PPIL3: variants seen among roughly 807,000 people sequenced by gnomAD.
PPIL3 encodes the protein peptidylprolyl isomerase like 3, also known as peptidyl-prolyl cis-trans isomerase-like 3.
In PPIL3, 13 loss-of-function variants were observed where a neutral mutation model predicts 20.9. The ratio of observed to expected loss-of-function variants is 0.62; its 90% CI spans 0.40 to 0.99. PPIL3 has a LOEUF of 0.99. Ranked by LOEUF, PPIL3 falls within the 50% of genes least tolerant of loss-of-function variation. PPIL3 has a pLI of 0.00. For synonymous variants in PPIL3, 71 were observed against 64.4 expected, an observed-to-expected ratio of 1.10 and a Z score of -0.49; for missense variants, 170 against 195.2, an observed-to-expected ratio of 0.87 and a Z score of 0.77.
At position 200,877,035 on chromosome 2, in the gene PPIL3, G is replaced by C; in HGVS notation, c.243C>G (p.His81Gln). The stretch of plus-strand genomic sequence containing the variant: ...CCATAGATACAACACCTCTAACATT[G>C]TGCTGAAAAAGACACATCAAAGTAT... The part of the protein sequence containing the change: ...FEDEYSEYLK[H>Q]NVRGVVSMAN... Residue 81 changes from histidine to glutamine, a missense_variant and splice_region_variant, in exon 6 of 7, where the codon CAC (histidine) becomes CAG (glutamine). By Grantham distance (24) the His-to-Gln change is conservative. Coordinates refer to ENST00000392283, the MANE Select transcript of PPIL3 (RefSeq NM_130906.3). 1.3e-6 allele frequency: 2 copies of C among 1,588,846 alleles called. No homozygotes were observed. Among genetic ancestry groups the C allele is most frequent in the Non-Finnish European group, 1.7e-6 (2 of 1,157,370 alleles).
chr2:200,880,350 C>T (rs1214055074), intron 5 of PPIL3, among the ~76,000 whole-genome samples: 2 of 150,608 alleles, frequency 1.3e-5, no homozygotes, highest in African/African-American at 4.9e-5. Flanking sequence ...TTTGTGGGTA[C>T]ATTTTAATGT....
chr2:200,887,888 C>A (rs1287171046), intron 1 of PPIL3, among the ~76,000 whole-genome samples: 1 of 151,878 alleles, frequency 6.6e-6, no homozygotes, highest in African/African-American at 2.4e-5. Flanking sequence ...GAAACCCCGT[C>A]TCTACTAAAA....
chr2:200,874,062 G>A (rs796795979), intron 6 of PPIL3, among the ~76,000 whole-genome samples: 48 of 151,522 alleles, frequency 3.2e-4, no homozygotes, highest in African/African-American at 8.9e-4. Context: ...AAAATTAGCC[G>A]GGCGCGGTGG....
chr2:200,871,244 G>A lies in PPIL3; in HGVS notation c.*151C>T, dbSNP rs2039293260. 4 of 645,522 alleles carry A rather than the reference G, an allele frequency of 6.2e-6. No homozygotes were observed. The highest frequency in any genetic ancestry group is 5.0e-6 in the Non-Finnish European group (2 of 400,484). The allele number at this position is 645,522 out of a possible 1,614,324, so 40.0% of individuals were successfully genotyped here. ...TGCTCTAAGAATGGGGATAAAAGCT[G>A]TTGGGCGCCCCTTGGTACCACCATT... On this transcript the variant is annotated 3_prime_UTR_variant, in exon 7 of 7. Transcript: ENST00000392283.
chr2:200,876,133 T>C (rs997741656), intron 6 of PPIL3, among the ~76,000 whole-genome samples: 2 of 147,624 alleles, frequency 1.4e-5, no homozygotes, highest in Non-Finnish European at 3.0e-5. Context: ...AAAAAAAAAG[T>C]GTTTTTTTTG....
At position 200,873,980 on chromosome 2, in the gene PPIL3, C is replaced by A. The variant is rs573806837; in HGVS notation, c.360-2459G>T. The stretch of plus-strand genomic sequence containing the variant: ...CAGCACTTTGGGAGGCCAAGGCGGG[C>A]GGATCACGAGGTCGGGAGATTGAGA... On this transcript the variant is annotated intron_variant, in intron 6 of 6. Transcript: ENST00000392283. Among the ~76,000 whole-genome samples, 28 of 151,442 alleles carry A rather than the reference C, an allele frequency of 1.8e-4. 1 individual carries two copies. The East Asian group carries it at 5.0e-3, about 27-fold the overall frequency.
At chr2:200,876,130 A>G (rs1008478816) in intron 6 of PPIL3, among the ~76,000 whole-genome samples, 5 of 151,030 alleles carry the variant, frequency 3.3e-5, no homozygotes, top group Admixed American at 6.6e-5. Flanking sequence ...TCTAAAAAAA[A>G]AGTGTTTTTT....
intron 6 of PPIL3, among the ~76,000 whole-genome samples, chr2:200,876,133 TG>T (rs1161805325): frequency 4.1e-5 from 6 of 147,624 alleles, no homozygotes; most frequent in African/African-American, 1.6e-4. Flanking sequence ...AAAAAAAAAG[TG>T]TTTTTTTTGT....
intron 5 of PPIL3, 126 bp downstream of exon 5, chr2:200,881,295 C>T (rs1297005719): frequency 2.8e-6 from 2 of 715,656 alleles, no homozygotes; most frequent in Non-Finnish European, 4.4e-6. Context: ...GTCAAATGTA[C>T]AAAAACTATA....
chr2:200,877,150 G>A, intron 5 of PPIL3, 113 bp from the exon 6 acceptor site: 1 of 717,546 alleles, frequency 1.4e-6, no homozygotes, highest in Non-Finnish European at 2.4e-6. Context: ...TTTTGAGATT[G>A]GGGTCTCACT....
At chr2:200,886,013 A>G (rs796669793) in intron 2 of PPIL3, among the ~76,000 whole-genome samples, 10 of 152,366 alleles carry the variant, frequency 6.6e-5, no homozygotes, top group Admixed American at 2.0e-4. Flanking sequence ...AGTAGTATCC[A>G]TGACAAAAAT....
chr2:200,879,718 A>G (rs925492101), intron 5 of PPIL3, among the ~76,000 whole-genome samples: 1 of 152,160 alleles, frequency 6.6e-6, no homozygotes, highest in Non-Finnish European at 1.5e-5. Context: ...CCTGTGGTCC[A>G]GCCACTTGAG....
chr2:200,880,666 C>T (rs1214905025), intron 5 of PPIL3, among the ~76,000 whole-genome samples: 2 of 152,054 alleles, frequency 1.3e-5, no homozygotes, highest in Middle Eastern at 3.4e-3. Flanking sequence ...GATTACTGTA[C>T]CCGGCCCTGG....
At chr2:200,877,133 A>T (rs918736625) in intron 5 of PPIL3, 96 bp from the exon 6 acceptor site, 1 of 863,878 alleles carries the variant, frequency 1.2e-6, no homozygotes, top group Middle Eastern at 2.5e-4. Context: ...TTTCTTTTTT[A>T]AAAATATTTT....
chr2:200,885,568 G>A (rs960836502), intron 3 of PPIL3, 130 bp downstream of exon 3: 48 of 648,482 alleles, frequency 7.4e-5, no homozygotes, highest in Non-Finnish European at 1.2e-4. Flanking sequence ...CAGAAGTTAG[G>A]ATGGCTAGTT....
intron 6 of PPIL3, among the ~76,000 whole-genome samples, chr2:200,874,019 C>A (rs1296723754): frequency 2.0e-5 from 3 of 151,138 alleles, no homozygotes; most frequent in African/African-American, 7.3e-5. Context: ...TCCTGGCTAA[C>A]ATGGTGAAAC....
Position 200,887,644 on chromosome 2 carries a change from T to A in PPIL3, c.-29A>T. The A allele has an allele frequency of 1.3e-6, 2 of 1,594,514 alleles. No individual in the cohort carries two copies. The highest frequency in any genetic ancestry group is 1.7e-6 in the Non-Finnish European group (2 of 1,168,896). ...TCCTCTTAGTGGTTTCAGGAAGGAC[T>A]ACGTGATTTCTCAGTCTTACAGCGA... On this transcript the variant is annotated 5_prime_UTR_variant, in exon 2 of 7. Transcript: ENST00000392283.
chr2:200,881,542 G>A lies in PPIL3; in HGVS notation c.173-54C>T, dbSNP rs189749739. The A allele has an allele frequency of 2.8e-3, 4,067 of 1,468,442 alleles. 10 individuals are homozygous for A. The highest frequency in any genetic ancestry group is 3.2e-3 in the Non-Finnish European group (3,333 of 1,055,972). The allele number at this position is 1,468,442 out of a possible 1,614,324, so 91.0% of individuals were successfully genotyped here. ...AAGTATTTAATTAAATTGAAAACAA[G>A]TTCATTTCCCAAAACTTAAGGAATA... is the stretch of plus-strand genomic sequence containing the variant. On this transcript the variant is annotated intron_variant, in intron 4 of 6. Transcript: ENST00000392283.
chr2:200,876,867 A>T (rs183562592), intron 6 of PPIL3, 52 bp downstream of exon 6: 4 of 1,294,782 alleles, frequency 3.1e-6, no homozygotes, highest in African/African-American at 2.9e-5. Flanking sequence ...AGCTAAGCAT[A>T]TGCACCACTT....
Sources: allele counts gnomAD v4.1 joint callset (sites outside exome capture counted in the v4.1 genomes callset), GRCh38; gene constraint gnomAD v4.1.1; transcripts MANE v1.5; gene names NCBI Gene and HGNC (gene_info 2026-07-23, HGNC 2026-07-21).